Variants in SCAF11 observed in about 807,000 individuals in gnomAD.
SCAF11 encodes the protein protein SCAF11.
In SCAF11, 47 loss-of-function variants were observed where a neutral mutation model predicts 140.5. The observed-to-expected ratio is 0.33, with a 90% confidence interval of 0.26 to 0.43. The LOEUF is 0.43. Among genes scored for constraint, SCAF11 ranks in the 20% least tolerant of loss-of-function variants. The probability of loss-of-function intolerance (pLI) is 1.00; values close to 1 mark genes in which losing one functional copy is unlikely to be tolerated. For synonymous variants in SCAF11, 557 were observed against 579.4 expected (o/e 0.96, Z 0.55); for missense variants, 1,645 against 1,705.1 (o/e 0.96, Z 0.62).
chr12:45,937,625 T>C (rs909391004), intron 6 of SCAF11, among the ~76,000 whole-genome samples: 1 of 152,212 alleles, frequency 6.6e-6, no homozygotes, highest in African/African-American at 2.4e-5. Context: ...GACTCTCAAA[T>C]GACATTATCT....
At chr12:45,959,519 C>T (rs1945775748) in intron 3 of SCAF11, among the ~76,000 whole-genome samples, 1 of 152,010 alleles carries the variant, frequency 6.6e-6, no homozygotes, top group Non-Finnish European at 1.5e-5. Flanking sequence ...TCCTGAAATC[C>T]GAAGTAAACT....
chr12:45,972,120 A>G (rs1398550287), intron 1 of SCAF11, among the ~76,000 whole-genome samples: 1 of 152,168 alleles, frequency 6.6e-6, no homozygotes, highest in Non-Finnish European at 1.5e-5. Context: ...AATATAAGAT[A>G]AACCTCCACA....
chr12:45,947,809 T>A (rs114248768), intron 5 of SCAF11, among the ~76,000 whole-genome samples: 2 of 152,152 alleles, frequency 1.3e-5, no homozygotes, highest in African/African-American at 4.8e-5. Flanking sequence ...CCTAAGTAGC[T>A]GGAACTGCAG....
chr12:45,963,844 A>T (rs1945878377), intron 2 of SCAF11, among the ~76,000 whole-genome samples: 1 of 152,186 alleles, frequency 6.6e-6, no homozygotes, highest in Admixed American at 6.5e-5. Context: ...AGGGACAAAA[A>T]CATAAACAGT....
In SCAF11 at chr12:45,980,012, A is replaced by G. The variant is rs1946315324; in HGVS notation, c.-22+10341T>C. On this transcript the variant is annotated intron_variant, in intron 1 of 14. Transcript: ENST00000369367. ...ACCTAGATTTTTGTGTAAGCGTTTC[A>G]TATTATTTTTGGCTACTACTTTCTA... Among the ~76,000 whole-genome samples, 4 of 152,172 alleles carry G rather than the reference A, an allele frequency of 2.6e-5. No individual in the cohort carries two copies. The South Asian group carries it at 8.3e-4, about 31-fold the overall frequency.
At chr12:45,983,431 T>A (rs987318662) in intron 1 of SCAF11, among the ~76,000 whole-genome samples, 2 of 152,150 alleles carry the variant, frequency 1.3e-5, no homozygotes, top group African/African-American at 4.8e-5. Flanking sequence ...GAACTACACA[T>A]TCTGGCATGC....
At chr12:45,958,554 T>G (rs1945752341) in intron 3 of SCAF11, among the ~76,000 whole-genome samples, 1 of 152,210 alleles carries the variant, frequency 6.6e-6, no homozygotes, top group South Asian at 2.1e-4. Context: ...TGTCAATTAT[T>G]GTGTCATTGT....
chr12:45,929,123 T>C (rs895647524), intron 10 of SCAF11: 1 of 223,820 alleles, frequency 4.5e-6, no homozygotes, highest in Non-Finnish European at 8.5e-6. Context: ...AAATAACTTT[T>C]GGTCTTGTAA....
chr12:45,991,559 C>T (rs1946611264), upstream of SCAF11, among the ~76,000 whole-genome samples: 1 of 152,166 alleles, frequency 6.6e-6, no homozygotes, highest in Non-Finnish European at 1.5e-5. Context: ...GAGACCCTGT[C>T]TCAAACAACA....
At chr12:45,968,522 T>A (rs1946001102) in intron 1 of SCAF11, among the ~76,000 whole-genome samples, 1 of 152,044 alleles carries the variant, frequency 6.6e-6, no homozygotes, top group Admixed American at 6.5e-5. Context: ...TATTAAAGCT[T>A]GGAATTTAAA....
Position 45,919,388 on chromosome 12 carries a change from G to C in SCAF11, c.*2660C>G, listed in dbSNP as rs1003039993. ...AATTTTAAAAAGCACAAAACTTTTGGAATGTTAATGGATAACTACTATTAG... is the reference window on the plus strand; with the variant it reads ...AATTTTAAAAAGCACAAAACTTTTGCAATGTTAATGGATAACTACTATTAG... On this transcript the variant is annotated 3_prime_UTR_variant, in exon 15 of 15. Transcript: ENST00000369367. 2 of 152,528 alleles carry C rather than the reference G, an allele frequency of 1.3e-5. No homozygotes were observed. Among genetic ancestry groups the C allele is most frequent in the Admixed American group, 6.6e-5 (1 of 15,266 alleles). 9.4% of individuals were successfully genotyped at this position (152,528 alleles called of 1,614,324 possible).
At chr12:45,922,816 A>T in intron 13 of SCAF11, 120 bp downstream of exon 13, 2 of 942,178 alleles carry the variant, frequency 2.1e-6, no homozygotes, top group Non-Finnish European at 3.3e-6. Flanking sequence ...CCTTCAAATA[A>T]TAATGGCATT....
chr12:45,990,618 C>T (rs930516633), upstream of SCAF11: 11 of 1,212,140 alleles, frequency 9.1e-6, no homozygotes, highest in South Asian at 3.9e-4. Context: ...CCCTCCCCTC[C>T]CTGCGCGTCT....
Position 45,927,411 on chromosome 12 carries a change from C to T in SCAF11, c.2290G>A (p.Asp764Asn). Reference sequence around the variant, plus strand: ...TGAGAAACAGTTTCAACCTTTTCATCCGCAAGATCAGAAGACGGCATATTA... The same window carrying T: ...TGAGAAACAGTTTCAACCTTTTCATTCGCAAGATCAGAAGACGGCATATTA... ...ENNMPSSDLADEKVETVSQPS... is the reference protein window; with the variant it reads ...ENNMPSSDLANEKVETVSQPS... Residue 764 changes from aspartate (D) to asparagine (N), a missense_variant, in exon 11 of 15, where the codon GAT becomes AAT. Physicochemically the swap from Asp to Asn is conservative, Grantham distance 23. Transcript: ENST00000369367. 7 of 1,613,846 alleles carry T rather than the reference C, an allele frequency of 4.3e-6. No homozygotes were observed. The highest frequency in any genetic ancestry group is 5.9e-6 in the Non-Finnish European group (7 of 1,179,976).
Position 45,927,069 on chromosome 12 carries a change from A to C in SCAF11, c.2632T>G (p.Ser878Ala), listed in dbSNP as rs746602262. The change falls in exon 11 of 15, where the codon TCT becomes GCT. Residue 878 changes from serine (S) to alanine (A), a missense_variant. This residue lies in a region of SCAF11 where 1,582 missense variants were observed against 1,609.2 expected (regional missense o/e 0.98). Coordinates refer to ENST00000369367, the MANE Select transcript of SCAF11 (RefSeq NM_004719.3). ...KRDTTRESRR[S>A]ESLSPRRETS... is the part of the protein sequence containing the mutation. ...TCTCTTCTTGGGGACAGTGATTCAG[A>C]TCTTCTGCTTTCCCTAGTAGTATCC... 1 of 1,614,004 alleles carries C rather than the reference A, an allele frequency of 6.2e-7. No individual in the cohort carries two copies. The highest frequency in any genetic ancestry group is 8.5e-7 in the Non-Finnish European group (1 of 1,179,994).
chr12:45,925,770 A>C (rs1944843129), intron 11 of SCAF11, among the ~76,000 whole-genome samples: 1 of 152,224 alleles, frequency 6.6e-6, no homozygotes, highest in Non-Finnish European at 1.5e-5. Flanking sequence ...AATCTTTACT[A>C]TTAAAACAAT....
intron 6 of SCAF11, among the ~76,000 whole-genome samples, chr12:45,941,170 G>T (rs1008259937): frequency 6.6e-6 from 1 of 152,074 alleles, no homozygotes; most frequent in Non-Finnish European, 1.5e-5. Flanking sequence ...ATAACATGAA[G>T]ATGAGTAGAT....
chr12:45,956,328 C>T (rs1036122186), intron 3 of SCAF11: 1 of 595,852 alleles, frequency 1.7e-6, no homozygotes, highest in Admixed American at 3.1e-5. Context: ...GCATGTTATA[C>T]AAAATTCTAG....
intron 6 of SCAF11, among the ~76,000 whole-genome samples, chr12:45,943,175 C>G (rs1945343911): frequency 6.6e-6 from 1 of 152,160 alleles, no homozygotes; most frequent in Non-Finnish European, 1.5e-5. Context: ...AAAGTAACAT[C>G]ACAGCAAAAC....
Sources: allele counts gnomAD v4.1 joint callset (sites outside exome capture counted in the v4.1 genomes callset), GRCh38; gene constraint gnomAD v4.1.1; regional missense constraint gnomAD v4.1.1; transcripts MANE v1.5; gene names NCBI Gene and HGNC (gene_info 2026-07-23, HGNC 2026-07-21).